The following CHST15 variants were observed in gnomAD, a reference collection of about 807,000 sequenced individuals.
The protein encoded by CHST15 is B cell RAG associated protein (GALNAC4S-6ST).
In CHST15, 30 loss-of-function variants were observed where a neutral mutation model predicts 53.6. The ratio of observed to expected loss-of-function variants is 0.56; its 90% CI spans 0.42 to 0.76. The LOEUF is 0.76. CHST15 is among the 30% of genes least tolerant of loss of function. CHST15 has a pLI of 0.00. For synonymous variants in CHST15, 296 were observed against 289.8 expected (o/e 1.02, Z -0.22); for missense variants, 627 against 740.5 (o/e 0.85, Z 1.78).
chr10:124,070,986 CT>C (rs1300932898), intron 1 of CHST15, among the ~76,000 whole-genome samples: 1 of 152,186 alleles, frequency 6.6e-6, no homozygotes, highest in Non-Finnish European at 1.5e-5. Flanking sequence ...GAAATAAAAC[CT>C]AATTTGCTTT....
chr10:124,010,703 C>T (rs1362083245), intron 7 of CHST15: 15 of 985,340 alleles, frequency 1.5e-5, no homozygotes, highest in Admixed American at 1.2e-4. Context: ...TGCGGCCTGC[C>T]GAGCACAGCC....
At chr10:124,072,553 C>T (rs1948951516) in intron 1 of CHST15, among the ~76,000 whole-genome samples, 1 of 152,178 alleles carries the variant, frequency 6.6e-6, no homozygotes. Flanking sequence ...AAAAACCTTT[C>T]TTGACTGAGC....
intron 1 of CHST15, among the ~76,000 whole-genome samples, chr10:124,075,526 C>T (rs149591260): frequency 5.3e-4 from 81 of 152,298 alleles, no homozygotes; most frequent in Admixed American, 1.8e-3. Flanking sequence ...GAAAATCTAG[C>T]GGTGGTGCAC....
At chr10:124,073,615 G>A (rs1948986087) in intron 1 of CHST15, among the ~76,000 whole-genome samples, 2 of 152,164 alleles carry the variant, frequency 1.3e-5, no homozygotes, top group African/African-American at 2.4e-5. Context: ...ATACATGGTG[G>A]TAAGTTTCTG....
At chr10:124,082,716 C>T (rs945656630) in intron 1 of CHST15, among the ~76,000 whole-genome samples, 5 of 152,272 alleles carry the variant, frequency 3.3e-5, no homozygotes, top group East Asian at 3.9e-4. Flanking sequence ...TCTATCCCTG[C>T]GATGGAATAT....
intron 1 of CHST15, among the ~76,000 whole-genome samples, chr10:124,053,769 T>A (rs1261847155): frequency 6.6e-6 from 1 of 151,902 alleles, no homozygotes; most frequent in African/African-American, 2.4e-5. Flanking sequence ...AATACAAAAA[T>A]TAGCTGGGTG....
chr10:124,052,633 C>T (rs956977064), intron 1 of CHST15, among the ~76,000 whole-genome samples: 2 of 152,232 alleles, frequency 1.3e-5, no homozygotes, highest in Non-Finnish European at 2.9e-5. Context: ...AGATATTAAA[C>T]GTCTCTTCTC....
chr10:124,032,811 G>GA (rs11429939), intron 5 of CHST15, among the ~76,000 whole-genome samples: 90,101 of 135,800 alleles, frequency 0.66, 29,563 homozygotes, highest in East Asian at 0.91. Context: ...TTCTCCTCCA[G>GA]AAAAAAAAAA....
intron 1 of CHST15, among the ~76,000 whole-genome samples, chr10:124,049,589 G>A (rs1948121975): frequency 2.0e-5 from 3 of 152,236 alleles, no homozygotes; most frequent in Non-Finnish European, 4.4e-5. Context: ...GGCTCAGGCA[G>A]CTTCCAGGTT....
chr10:124,014,673 G>C (rs1033010373), intron 6 of CHST15, among the ~76,000 whole-genome samples: 2 of 152,188 alleles, frequency 1.3e-5, no homozygotes. Flanking sequence ...CCTCGTAGGG[G>C]AGACCAGTCT....
intron 1 of CHST15, among the ~76,000 whole-genome samples, chr10:124,079,051 TG>T (rs1484843972): frequency 6.6e-6 from 1 of 152,230 alleles, no homozygotes; most frequent in African/African-American, 2.4e-5. Flanking sequence ...CACAGCTGCC[TG>T]GTGTAGGACT....
At chr10:124,047,655 A>T (rs941047384) in intron 1 of CHST15, among the ~76,000 whole-genome samples, 2 of 152,240 alleles carry the variant, frequency 1.3e-5, no homozygotes, top group Non-Finnish European at 2.9e-5. Context: ...TGGTTTCCTC[A>T]ATAGTAAAAT....
In CHST15 at chr10:124,046,125, C is replaced by T. The variant is rs150299035; in HGVS notation, c.88G>A (p.Gly30Ser). 24 of 1,614,078 alleles carry T rather than the reference C, an allele frequency of 1.5e-5. No homozygotes were observed. The African/African-American group carries it at 1.6e-4, about 11-fold the overall frequency. The change falls in exon 2 of 8, where the codon GGT becomes AGT. Residue 30 changes from glycine (G) to serine (S), a missense_variant. Physicochemically the swap from Gly to Ser is moderately conservative, Grantham distance 56. Around this residue, in one of 3 missense-constraint regions of CHST15, gnomAD observed 187 missense variants for 251.8 expected, o/e 0.74. Coordinates refer to ENST00000435907, the MANE Select transcript of CHST15 (RefSeq NM_001270764.2). ...TTGCACGTGGGGCACGCCTGGTGAC[C>T]GTGATGGGGGCCCCCTTGGCAGTTG... ...QVNCQGGPHHGHQACPTCKGE... is the reference protein window; with the variant it reads ...QVNCQGGPHHSHQACPTCKGE...
intron 7 of CHST15, chr10:124,011,685 C>A (rs575959814): frequency 1.0e-6 from 1 of 985,470 alleles, no homozygotes; most frequent in African/African-American, 1.7e-5. Flanking sequence ...TGGCCTGTCA[C>A]CACAAAGTGA....
intron 5 of CHST15, among the ~76,000 whole-genome samples, chr10:124,022,002 A>G (rs899969362): frequency 6.7e-6 from 1 of 150,370 alleles, no homozygotes; most frequent in African/African-American, 2.5e-5. Flanking sequence ...CTGCAGACTT[A>G]CACGTTTACC....
Position 124,010,437 on chromosome 10 carries a change from A to C in CHST15, c.1496-98T>G, listed in dbSNP as rs1438188153. 4.9e-6 allele frequency: 7 copies of C among 1,437,724 alleles called. No homozygotes were observed. The Admixed American group carries it at 1.2e-4, about 24-fold the overall frequency. The allele number at this position is 1,437,724 out of a possible 1,614,324, so 89.1% of individuals were successfully genotyped here. ...CAGCTATGCTTCGTATTCAGACAGG[A>C]GTTTCCTTTAAGAGAACATATTTAG... On this transcript the variant is annotated intron_variant, in intron 7 of 7. Transcript: ENST00000435907.
At chr10:124,083,536 G>A (rs916170329) in intron 1 of CHST15, among the ~76,000 whole-genome samples, 1 of 152,088 alleles carries the variant, frequency 6.6e-6, no homozygotes, top group Non-Finnish European at 1.5e-5. Flanking sequence ...TTCTGAGGAG[G>A]AGCTCACAGT....
At chr10:124,059,387 G>A (rs563648381) in intron 1 of CHST15, among the ~76,000 whole-genome samples, 1 of 152,304 alleles carries the variant, frequency 6.6e-6, no homozygotes, top group South Asian at 2.1e-4. Context: ...TCTAGTTGCT[G>A]TCCAACAATT....
intron 1 of CHST15, among the ~76,000 whole-genome samples, chr10:124,065,142 G>A (rs76782428): frequency 0.028 from 4,199 of 152,246 alleles, 188 homozygotes; most frequent in African/African-American, 0.096. Context: ...CCAACATGTT[G>A]GGAGGCCGAG....
Sources: gnomAD v4.1 joint callset for allele counts (sites outside exome capture counted in the v4.1 genomes callset) on GRCh38, gnomAD v4.1.1 for gene constraint, gnomAD v4.1.1 regional missense constraint, MANE v1.5 for transcripts, NCBI Gene and HGNC (gene_info 2026-07-23, HGNC 2026-07-21) for gene names.